The following STRBP variants were observed in gnomAD, a reference collection of about 807,000 sequenced individuals.
STRBP encodes the protein spermatid perinuclear RNA-binding protein.
Under a neutral mutation model 80.1 loss-of-function variants are expected in STRBP, and 13 were observed. That is an observed-to-expected ratio of 0.16 (90% confidence interval 0.11 to 0.26). The LOEUF is 0.26. STRBP is among the 10% of genes least tolerant of loss of function. The pLI, the probability that STRBP is intolerant of heterozygous loss-of-function variation, is 1.00. For missense variants in STRBP, 485 were observed against 815.2 expected (o/e 0.59, Z 4.93); for synonymous variants, 284 against 291.2 (o/e 0.98, Z 0.25).
chr9:123,132,776 T>G (rs952591801), intron 17 of STRBP, 69 bp downstream of exon 17: 16 of 1,587,354 alleles, frequency 1.0e-5, no homozygotes, highest in Non-Finnish European at 1.4e-5. Context: ...CCTTAGAAAA[T>G]GCAGGAGATG....
At chr9:123,174,297 G>C (rs984954973) in intron 4 of STRBP, among the ~76,000 whole-genome samples, 1 of 152,178 alleles carries the variant, frequency 6.6e-6, no homozygotes, top group African/African-American at 2.4e-5. Context: ...AATTAGCCAG[G>C]TGTAGTGGCA....
At chr9:123,166,308 CTACTACTATT>C in intron 6 of STRBP, among the ~76,000 whole-genome samples, 1 of 152,160 alleles carries the variant, frequency 6.6e-6, no homozygotes, top group Non-Finnish European at 1.5e-5. Context: ...AATAAGTTGA[CTACTACTATT>C]TACTGAGCAA....
chr9:123,261,731 G>A (rs563013871), intron 1 of STRBP, among the ~76,000 whole-genome samples: 2 of 152,212 alleles, frequency 1.3e-5, no homozygotes, highest in Non-Finnish European at 2.9e-5. Context: ...AAAAACAACC[G>A]AAAATATTCA....
chr9:123,164,151 T>C (rs2037650468), intron 6 of STRBP, among the ~76,000 whole-genome samples: 1 of 152,178 alleles, frequency 6.6e-6, no homozygotes, highest in Non-Finnish European at 1.5e-5. Context: ...GCTCAAGCAA[T>C]TCCCATGCCT....
At chr9:123,183,432 G>A (rs975634442) in intron 3 of STRBP, among the ~76,000 whole-genome samples, 5 of 150,210 alleles carry the variant, frequency 3.3e-5, no homozygotes, top group Non-Finnish European at 7.4e-5. Flanking sequence ...GTGAGACTCC[G>A]TCTTTAAAAA....
chr9:123,192,491 T>G (rs1210346974), intron 2 of STRBP, among the ~76,000 whole-genome samples: 1 of 152,098 alleles, frequency 6.6e-6, no homozygotes, highest in Non-Finnish European at 1.5e-5. Context: ...CTATAGTCCG[T>G]CGGGAGGCTG....
At chr9:123,260,536 T>C (rs1048849082) in intron 1 of STRBP, among the ~76,000 whole-genome samples, 1 of 152,228 alleles carries the variant, frequency 6.6e-6, no homozygotes, top group Non-Finnish European at 1.5e-5. Flanking sequence ...ACAAAGCTGG[T>C]AAGTACTTTC....
At chr9:123,166,023 C>G (rs2037743387) in intron 6 of STRBP, among the ~76,000 whole-genome samples, 1 of 152,190 alleles carries the variant, frequency 6.6e-6, no homozygotes, top group African/African-American at 2.4e-5. Flanking sequence ...TATGTTAATT[C>G]ACTTAACAGA....
At chr9:123,133,980 A>T (rs1304302943) in intron 16 of STRBP, among the ~76,000 whole-genome samples, 1 of 152,200 alleles carries the variant, frequency 6.6e-6, no homozygotes, top group African/African-American at 2.4e-5. Flanking sequence ...ACAGTAACCG[A>T]GAATTATAAA....
chr9:123,229,197 G>C (rs1390705516), intron 2 of STRBP, among the ~76,000 whole-genome samples: 1 of 152,198 alleles, frequency 6.6e-6, no homozygotes, highest in Non-Finnish European at 1.5e-5. Flanking sequence ...GAAACAGGGA[G>C]TGGCCACTAA....
At chr9:123,114,064 T>G (rs1235734894) in intron 3 of STRBP, 1 of 167,114 alleles carries the variant, frequency 6.0e-6, no homozygotes, top group Non-Finnish European at 1.5e-5. Context: ...GTGTAGCCTG[T>G]TGATTAACAG....
chr9:123,202,935 G>A (rs1394027664), intron 2 of STRBP, among the ~76,000 whole-genome samples: 1 of 152,146 alleles, frequency 6.6e-6, no homozygotes, highest in Non-Finnish European at 1.5e-5. Flanking sequence ...AACCTGGTCA[G>A]AGCAACCACC....
At chr9:123,223,019 A>C (rs907006763) in intron 2 of STRBP, among the ~76,000 whole-genome samples, 1 of 151,954 alleles carries the variant, frequency 6.6e-6, no homozygotes, top group Non-Finnish European at 1.5e-5. Flanking sequence ...AAAGCATAAA[A>C]AAGACATGAA....
intron 11 of STRBP, among the ~76,000 whole-genome samples, chr9:123,150,169 G>A (rs549207384): frequency 1.3e-5 from 2 of 152,310 alleles, no homozygotes; most frequent in East Asian, 3.9e-4. Context: ...AAGAAATGAT[G>A]CAAAGGCCTG....
At chr9:123,160,312 G>A in intron 8 of STRBP, 55 bp downstream of exon 8, 2 of 1,314,730 alleles carry the variant, frequency 1.5e-6, no homozygotes, top group Non-Finnish European at 2.1e-6. Flanking sequence ...CATTTCTACA[G>A]GATTTTCTCT....
Position 123,122,717 on chromosome 9 carries a change from A to G in STRBP, c.*2880T>C, listed in dbSNP as rs1306046465. Reference sequence around the variant, plus strand: ...AGGGGCCAGTCCCCGTGCAGAGGATATGGCTTCAAGGAGGACCCCTATCTC... The same window carrying G: ...AGGGGCCAGTCCCCGTGCAGAGGATGTGGCTTCAAGGAGGACCCCTATCTC... On this transcript the variant is annotated 3_prime_UTR_variant, in exon 19 of 19. Coordinates refer to ENST00000348403, the MANE Select transcript of STRBP (RefSeq NM_018387.5). 1 of 1,001,770 alleles carries G rather than the reference A, an allele frequency of 1.0e-6. No homozygotes were observed. Among genetic ancestry groups the G allele is most frequent in the Non-Finnish European group, 1.2e-6 (1 of 840,528 alleles). 62.1% of individuals were successfully genotyped at this position (1,001,770 alleles called of 1,614,324 possible).
At chr9:123,174,514 T>A (rs1423952686) in intron 4 of STRBP, among the ~76,000 whole-genome samples, 1 of 152,216 alleles carries the variant, frequency 6.6e-6, no homozygotes, top group Non-Finnish European at 1.5e-5. Context: ...CACTGTATAT[T>A]GGGAAAGAAC....
chr9:123,218,355 C>CTTTT (rs10689260), intron 2 of STRBP, among the ~76,000 whole-genome samples: 110 of 102,440 alleles, frequency 1.1e-3, no homozygotes, highest in Non-Finnish European at 1.3e-3. Flanking sequence ...TTAAATATGA[C>CTTTT]TTTTTTTTTT....
intron 13 of STRBP, among the ~76,000 whole-genome samples, chr9:123,144,497 C>T (rs1282693453): frequency 6.6e-6 from 1 of 152,120 alleles, no homozygotes; most frequent in African/African-American, 2.4e-5. Flanking sequence ...CATGTTTTGC[C>T]ACCCAGTGAA....
Sources: allele counts gnomAD v4.1 joint callset (sites outside exome capture counted in the v4.1 genomes callset), GRCh38; gene constraint gnomAD v4.1.1; transcripts MANE v1.5; gene names NCBI Gene and HGNC (gene_info 2026-07-23, HGNC 2026-07-21).